The following POLR1A variants were observed in gnomAD, a reference collection of about 807,000 sequenced individuals.
POLR1A encodes RNA polymerase I subunit A.
A neutral mutation model predicts 205.3 loss-of-function variants in POLR1A; 84 were observed. The observed-to-expected ratio is 0.41, with a 90% confidence interval of 0.34 to 0.49. POLR1A has a LOEUF of 0.49. Ranked by LOEUF, POLR1A falls within the 20% of genes least tolerant of loss-of-function variation. POLR1A has a pLI of 0.22. For synonymous variants in POLR1A, 799 were observed against 863.7 expected (o/e 0.93, Z 1.31); for missense variants, 1,645 against 2,204.5 (o/e 0.75, Z 5.08).
intron 14 of POLR1A, among the ~76,000 whole-genome samples, chr2:86,058,871 C>G (rs1672947513): frequency 6.6e-6 from 1 of 152,068 alleles, no homozygotes; most frequent in Admixed American, 6.5e-5. Context: ...AATCTCAGCA[C>G]TTTGGGAGGC....
chr2:86,095,745 T>G (rs1277395707), intron 3 of POLR1A, among the ~76,000 whole-genome samples: 1 of 111,130 alleles, frequency 9.0e-6, no homozygotes, highest in Non-Finnish European at 1.9e-5. Context: ...TTTTTTTTTT[T>G]GAGATGGAGT....
chr2:86,088,743 G>A (rs1673550936), intron 5 of POLR1A, 42 bp downstream of exon 5: 1 of 1,589,090 alleles, frequency 6.3e-7, no homozygotes, highest in South Asian at 1.1e-5. Flanking sequence ...ATGAGTGACT[G>A]CCCAGAGACG....
intron 1 of POLR1A, among the ~76,000 whole-genome samples, chr2:86,104,525 G>A (rs1673883866): frequency 6.8e-6 from 1 of 146,780 alleles, no homozygotes; most frequent in Non-Finnish European, 1.5e-5. Context: ...TCGGCTCACT[G>A]CAACCTCCGC....
intron 24 of POLR1A, among the ~76,000 whole-genome samples, chr2:86,041,190 TGCGCGCTGAGCTACA>T (rs1241542052): frequency 2.4e-5 from 1 of 41,926 alleles, no homozygotes; most frequent in African/African-American, 7.0e-5. Flanking sequence ...TGTGTGTGTG[TGCGCGCTGAGCTACA>T]GTGTCTGTGT....
chr2:86,039,295 C>A, intron 26 of POLR1A, 32 bp downstream of exon 26: 1 of 1,611,566 alleles, frequency 6.2e-7, no homozygotes, highest in Non-Finnish European at 8.5e-7. Context: ...ATGCCTTCAC[C>A]CCGTCTGCAA....
chr2:86,030,144 C>T (rs561491526), intron 31 of POLR1A, 52 bp downstream of exon 31: 102 of 1,474,130 alleles, frequency 6.9e-5, no homozygotes, highest in East Asian at 1.8e-4. Flanking sequence ...CTTGAGACAA[C>T]GTGGGGTGAG....
chr2:86,036,546 A>C (rs1292674833), intron 27 of POLR1A, among the ~76,000 whole-genome samples: 1 of 152,164 alleles, frequency 6.6e-6, no homozygotes, highest in Non-Finnish European at 1.5e-5. Flanking sequence ...GAAAGGAAGG[A>C]GAAAAAGCTT....
At chr2:86,057,832 T>C (rs571183146) in intron 14 of POLR1A, among the ~76,000 whole-genome samples, 10 of 152,352 alleles carry the variant, frequency 6.6e-5, no homozygotes, top group African/African-American at 2.2e-4. Flanking sequence ...ATTAGGTACA[T>C]GTCATCTTTT....
At chr2:86,084,696 C>G (rs1165625236) in intron 6 of POLR1A, among the ~76,000 whole-genome samples, 1 of 133,162 alleles carries the variant, frequency 7.5e-6, no homozygotes, top group Non-Finnish European at 1.6e-5. Context: ...AAGACGGAGT[C>G]TTGCTCGTCA....
At chr2:86,027,831 TGTGCCCAGAGTC>T (rs1205100940) in intron 33 of POLR1A, 42 bp downstream of exon 33, 15 of 1,587,880 alleles carry the variant, frequency 9.4e-6, no homozygotes, top group Non-Finnish European at 1.3e-5. Flanking sequence ...GGTGAGCCCG[TGTGCCCAGAGTC>T]GTCAGTAGAG....
chr2:86,078,669 C>T lies in POLR1A; in HGVS notation c.1087-385G>A, dbSNP rs568517712. Among the ~76,000 whole-genome samples, 4 of 152,206 alleles carry T rather than the reference C, an allele frequency of 2.6e-5. No homozygotes were observed. In the East Asian group the frequency reaches 7.7e-4, roughly 29 times the overall value. Reference sequence around the variant, plus strand: ...TATCTTGCCAGATAACCAATTCTCACATGCAGTTTCAGTTTTATTTATGGC... The same window carrying T: ...TATCTTGCCAGATAACCAATTCTCATATGCAGTTTCAGTTTTATTTATGGC... On this transcript the variant is annotated intron_variant, in intron 9 of 33. Coordinates refer to ENST00000263857, the MANE Select transcript of POLR1A (RefSeq NM_015425.6).
In POLR1A at chr2:86,028,461, G is replaced by A. The variant is rs190468700; in HGVS notation, c.4897+133C>T. The stretch of plus-strand genomic sequence containing the variant: ...TCTCCTACAGGTGCACTCACTGCAC[G>A]CATGCTGCAGTGCCTGCCTTAGTGC... On this transcript the variant is annotated intron_variant, in intron 32 of 33. Transcript: ENST00000263857. The surrounding 1 kb of genome is among the most constrained non-coding windows in gnomAD (Gnocchi z 4.5). 307 of 711,654 alleles carry A rather than the reference G, an allele frequency of 4.3e-4. 1 individual carries two copies. The Admixed American group carries it at 4.8e-3, about 11-fold the overall frequency. The allele number at this position is 711,654 out of a possible 1,614,324, so 44.1% of individuals were successfully genotyped here.
At chr2:86,062,896 T>C (rs912076143) in intron 14 of POLR1A, among the ~76,000 whole-genome samples, 3 of 152,142 alleles carry the variant, frequency 2.0e-5, no homozygotes, top group African/African-American at 7.2e-5. Context: ...CAAAGGAGCA[T>C]TATGAACAAC....
At chr2:86,065,715 A>C in intron 13 of POLR1A, 4 of 437,280 alleles carry the variant, frequency 9.1e-6, no homozygotes, top group South Asian at 4.3e-5. Context: ...CTTCAAACTC[A>C]TCCCGTTCCC....
chr2:86,071,233 T>TGCGCGCGC (rs1558777093), intron 12 of POLR1A, among the ~76,000 whole-genome samples: 1,001 of 6,802 alleles, frequency 0.15, 17 homozygotes, highest in African/African-American at 0.19. Context: ...TGTGCATGTG[T>TGCGCGCGC]GTGTGTGTGT....
chr2:86,032,419 C>A (rs765761979), intron 28 of POLR1A, 37 bp from the exon 29 acceptor site: 2 of 1,392,530 alleles, frequency 1.4e-6, no homozygotes, highest in Non-Finnish European at 2.0e-6. Context: ...AGATTAACTC[C>A]AATATCTAGT....
At chr2:86,040,671 T>G (rs1416906938) in intron 24 of POLR1A, 112 bp from the exon 25 acceptor site, 4 of 832,774 alleles carry the variant, frequency 4.8e-6, no homozygotes, top group Non-Finnish European at 7.1e-6. Context: ...TACCTCTTTC[T>G]GGACTCGTTT....
At chr2:86,064,910 G>C (rs1673059664) in intron 14 of POLR1A, among the ~76,000 whole-genome samples, 2 of 151,996 alleles carry the variant, frequency 1.3e-5, no homozygotes, top group South Asian at 4.2e-4. Context: ...CCCGGTAGCT[G>C]AGATTACAGG....
chr2:86,028,489 G>T lies in POLR1A; in HGVS notation c.4897+105C>A. ...TGCTGCAGTGCCTGCCTTAGTGCTG[G>T]ACTGACTCGGTGCTGGACCGACACG... On this transcript the variant is annotated intron_variant, in intron 32 of 33. Transcript: ENST00000263857. The surrounding 1 kb of genome is among the most constrained non-coding windows in gnomAD (Gnocchi z 4.5). 1 of 792,918 alleles carries T rather than the reference G, an allele frequency of 1.3e-6. No homozygotes were observed. Among genetic ancestry groups the T allele is most frequent in the Non-Finnish European group, 2.3e-6 (1 of 441,776 alleles). The allele number at this position is 792,918 out of a possible 1,614,324, so 49.1% of individuals were successfully genotyped here.
Sources: gnomAD v4.1 joint callset for allele counts (sites outside exome capture counted in the v4.1 genomes callset) on GRCh38, gnomAD v4.1.1 for gene constraint, Gnocchi (gnomAD v3.1) non-coding constraint, MANE v1.5 for transcripts, NCBI Gene and HGNC (gene_info 2026-07-23, HGNC 2026-07-21) for gene names.